Variants in SPTLC3 observed in about 807,000 individuals in gnomAD.
SPTLC3 encodes the protein serine palmitoyltransferase long chain base subunit 3, also known as serine palmitoyltransferase 3.
Under a neutral mutation model 59.3 loss-of-function variants are expected in SPTLC3, and 36 were observed. The ratio of observed to expected loss-of-function variants is 0.61; its 90% CI spans 0.47 to 0.80. SPTLC3 has a LOEUF of 0.80. SPTLC3 is among the 30% of genes least tolerant of loss of function. The probability of loss-of-function intolerance (pLI) is 0.00; values close to 1 mark genes in which losing one functional copy is unlikely to be tolerated. For synonymous variants in SPTLC3, 257 were observed against 240.8 expected (o/e 1.07, Z -0.62); for missense variants, 625 against 685.1 (o/e 0.91, Z 0.98).
chr20:13,071,875 C>T (rs563444443), intron 2 of SPTLC3, among the ~76,000 whole-genome samples: 27 of 152,302 alleles, frequency 1.8e-4, no homozygotes, highest in Middle Eastern at 3.4e-3. Context: ...TCTAATCACA[C>T]GGTGAGTGAT....
chr20:13,121,555 C>T (rs987411329), intron 8 of SPTLC3, among the ~76,000 whole-genome samples: 9 of 152,108 alleles, frequency 5.9e-5, no homozygotes, highest in South Asian at 4.1e-4. Flanking sequence ...TCCAAATGGA[C>T]GTGGAAACCT....
At chr20:13,023,371 A>G (rs1407479647) in intron 1 of SPTLC3, among the ~76,000 whole-genome samples, 1 of 152,138 alleles carries the variant, frequency 6.6e-6, no homozygotes, top group East Asian at 1.9e-4. Flanking sequence ...CTCCACATTT[A>G]GACTGTGAGG....
intron 5 of SPTLC3, 66 bp from the exon 6 acceptor site, chr20:13,093,418 C>G: frequency 7.0e-7 from 1 of 1,433,900 alleles, no homozygotes; most frequent in Non-Finnish European, 9.8e-7. Flanking sequence ...TCTTCCTGTC[C>G]CCACAAGTTG....
chr20:13,019,495 A>T (rs1210999293), intron 1 of SPTLC3, among the ~76,000 whole-genome samples: 2 of 152,218 alleles, frequency 1.3e-5, no homozygotes, highest in East Asian at 3.9e-4. Context: ...TCAAAAAGTG[A>T]TAGATGAGTC....
intron 1 of SPTLC3, among the ~76,000 whole-genome samples, chr20:13,026,715 C>T (rs1191870686): frequency 6.6e-6 from 1 of 152,080 alleles, no homozygotes; most frequent in African/African-American, 2.4e-5. Flanking sequence ...CATAGCAGAC[C>T]CTGCTGGTGC....
chr20:13,113,146 G>A (rs192098135), intron 7 of SPTLC3, among the ~76,000 whole-genome samples: 4 of 152,236 alleles, frequency 2.6e-5, no homozygotes, highest in Admixed American at 2.6e-4. Context: ...TCATGCCACT[G>A]CACTCCAGCC....
intron 9 of SPTLC3, among the ~76,000 whole-genome samples, chr20:13,148,681 T>G (rs949187415): frequency 2.6e-5 from 4 of 152,156 alleles, no homozygotes; most frequent in African/African-American, 9.7e-5. Flanking sequence ...GGACCAGAAA[T>G]GGCAGCTATT....
At chr20:13,069,484 C>T (rs901487692) in intron 2 of SPTLC3, among the ~76,000 whole-genome samples, 2 of 152,168 alleles carry the variant, frequency 1.3e-5, no homozygotes, top group African/African-American at 2.4e-5. Context: ...ATTAGATTCT[C>T]ATAAGGATCA....
At chr20:13,095,077 TC>T (rs768083028) in intron 6 of SPTLC3, among the ~76,000 whole-genome samples, 19 of 152,298 alleles carry the variant, frequency 1.2e-4, no homozygotes, top group Non-Finnish European at 2.1e-4. Context: ...TAGACGTCTT[TC>T]AAGGCTCCAA....
At chr20:13,087,464 C>T (rs1989040826) in intron 4 of SPTLC3, among the ~76,000 whole-genome samples, 1 of 152,236 alleles carries the variant, frequency 6.6e-6, no homozygotes, top group Non-Finnish European at 1.5e-5. Flanking sequence ...TCAGTGTCTT[C>T]AAGCTGGTAT....
At position 13,017,633 on chromosome 20, in the gene SPTLC3, T is replaced by G. The variant is rs188640168; in HGVS notation, c.117+8249T>G. Among the ~76,000 whole-genome samples, 37 of 152,346 alleles carry G rather than the reference T, an allele frequency of 2.4e-4. No individual in the cohort carries two copies. In the Middle Eastern group the frequency reaches 0.01, roughly 42 times the overall value. On this transcript the variant is annotated intron_variant, in intron 1 of 11. Coordinates refer to ENST00000399002, the MANE Select transcript of SPTLC3 (RefSeq NM_018327.4). ...TATGAGATCTTTTTTGTGATTTTTT[T>G]TAGCTTATCAGCTATCATTAGTGTT...
At chr20:13,147,448 A>C (rs921535704) in intron 9 of SPTLC3, among the ~76,000 whole-genome samples, 21 of 152,012 alleles carry the variant, frequency 1.4e-4, no homozygotes, top group Admixed American at 5.2e-4. Flanking sequence ...TCAGTGCTTA[A>C]AATAACAGAC....
intron 1 of SPTLC3, among the ~76,000 whole-genome samples, chr20:13,025,319 C>G (rs1207871871): frequency 6.6e-6 from 1 of 152,140 alleles, no homozygotes; most frequent in Non-Finnish European, 1.5e-5. Flanking sequence ...CTTCTGACTC[C>G]TAATATCACG....
intron 9 of SPTLC3, among the ~76,000 whole-genome samples, chr20:13,139,635 A>G (rs561539632): frequency 1.3e-5 from 2 of 152,326 alleles, no homozygotes; most frequent in East Asian, 1.9e-4. Context: ...ACTCAGTCAC[A>G]TGACTTTGCC....
rs1225765332 is a variant in SPTLC3 at position 13,166,464 on chromosome 20, G to A, written c.*1597G>A. The A allele has an allele frequency of 1.3e-5, 2 of 152,214 alleles. No individual in the cohort carries two copies. Among genetic ancestry groups the A allele is most frequent in the African/African-American group, 4.8e-5 (2 of 41,454 alleles). The allele number at this position is 152,214 out of a possible 1,614,324, so 9.4% of individuals were successfully genotyped here. On this transcript the variant is annotated 3_prime_UTR_variant, in exon 12 of 12. Transcript: ENST00000399002. ...TTACAAGTTGTAAGGAATACCGTTA[G>A]TGAAAGAGGAAAAGAAGTGGGTTCT...
Position 13,093,567 on chromosome 20 carries a change from C to T in SPTLC3, c.816C>T (p.Phe272=). The T allele has an allele frequency of 6.2e-7, 1 of 1,613,296 alleles. No individual in the cohort carries two copies. Among genetic ancestry groups the T allele is most frequent in the African/African-American group, 1.3e-5 (1 of 75,012 alleles). The change falls in exon 6 of 12, where the codon TTC becomes TTT. Residue 272 remains phenylalanine (F), a synonymous_variant. Transcript: ENST00000399002. ...TCTCAGGTGCAACCATAAGAATCTT[C>T]AAACACAACAGTGAGTATCAGTGTA... ...ARLSGATIRI[F]KHNNTQSLEK...
intron 2 of SPTLC3, among the ~76,000 whole-genome samples, chr20:13,052,494 T>C (rs1347148307): frequency 1.3e-5 from 2 of 152,022 alleles, no homozygotes; most frequent in East Asian, 1.9e-4. Context: ...TTGTTGTTGT[T>C]TGGTTTTTTT....
chr20:13,134,910 A>G (rs2038208248), intron 9 of SPTLC3, among the ~76,000 whole-genome samples: 1 of 152,172 alleles, frequency 6.6e-6, no homozygotes, highest in South Asian at 2.1e-4. Flanking sequence ...TACTACTAGC[A>G]CCTTGCCTGT....
chr20:13,159,861 T>C, intron 10 of SPTLC3, 142 bp from the exon 11 acceptor site: 2 of 1,172,724 alleles, frequency 1.7e-6, no homozygotes, highest in Non-Finnish European at 2.3e-6. Context: ...GTTTAAAAAC[T>C]TCAATCATCT....
Sources: gnomAD v4.1 joint callset for allele counts (sites outside exome capture counted in the v4.1 genomes callset) on GRCh38, gnomAD v4.1.1 for gene constraint, MANE v1.5 for transcripts, NCBI Gene and HGNC (gene_info 2026-07-23, HGNC 2026-07-21) for gene names.